Variants in TAFA1 observed in about 807,000 individuals in gnomAD.
TAFA1 encodes chemokine-like protein TAFA-1.
TAFA1 carries 4 observed loss-of-function variants against 18.5 expected under a neutral mutation model. The ratio of observed to expected loss-of-function variants is 0.22; its 90% CI spans 0.11 to 0.49. TAFA1 has a LOEUF of 0.49. Among genes scored for constraint, TAFA1 ranks in the 20% least tolerant of loss-of-function variants. The pLI is 0.98. For missense variants in TAFA1, 147 were observed against 169.0 expected (o/e 0.87, Z 0.72); for synonymous variants, 56 against 55.2 (o/e 1.01, Z -0.06).
chr3:68,400,940 A>C (rs1375494161), intron 2 of TAFA1, among the ~76,000 whole-genome samples: 1 of 152,144 alleles, frequency 6.6e-6, no homozygotes, highest in Non-Finnish European at 1.5e-5. Flanking sequence ...ATATTTTTGA[A>C]TGTGTGGGCA....
At chr3:68,426,921 A>G (rs1020277393) in intron 3 of TAFA1, among the ~76,000 whole-genome samples, 1 of 151,906 alleles carries the variant, frequency 6.6e-6, no homozygotes, top group African/African-American at 2.4e-5. Context: ...TGTGAAAACT[A>G]TACATAAAAT....
At chr3:68,516,421 G>A (rs2072921703) in intron 3 of TAFA1, among the ~76,000 whole-genome samples, 1 of 152,118 alleles carries the variant, frequency 6.6e-6, no homozygotes. Context: ...GTTAGCCTTG[G>A]TTTGTACATT....
In TAFA1 at chr3:68,042,476, C is replaced by T. The variant is rs558718688; in HGVS notation, c.118+35732C>T. Among the ~76,000 whole-genome samples the T allele has an allele frequency of 7.9e-5, 12 of 152,148 alleles. No individual in the cohort carries two copies. In the East Asian group the frequency reaches 2.3e-3, roughly 30 times the overall value. On this transcript the variant is annotated intron_variant, in intron 2 of 4. Coordinates refer to ENST00000478136, the MANE Select transcript of TAFA1 (RefSeq NM_213609.4). ...ACCAGCTTGACCAACATGGTGTAGC[C>T]CTGTCTCTACTAAATTAAAAAAATT...
At chr3:68,373,578 C>A (rs2069753936) in intron 2 of TAFA1, among the ~76,000 whole-genome samples, 1 of 152,180 alleles carries the variant, frequency 6.6e-6, no homozygotes, top group Admixed American at 6.5e-5. Flanking sequence ...CCTCTTTCTG[C>A]TTTGTTTTCC....
intron 2 of TAFA1, among the ~76,000 whole-genome samples, chr3:68,163,835 G>A (rs905044505): frequency 6.6e-6 from 1 of 152,204 alleles, no homozygotes; most frequent in Non-Finnish European, 1.5e-5. Context: ...GAGCATGTAA[G>A]TAGACCGTGT....
At chr3:68,195,371 G>T (rs1006816765) in intron 2 of TAFA1, among the ~76,000 whole-genome samples, 2 of 146,230 alleles carry the variant, frequency 1.4e-5, no homozygotes, top group Non-Finnish European at 3.0e-5. Flanking sequence ...TGGCATCCTA[G>T]ATTAACAGTT....
At chr3:68,473,899 TC>T (rs2072044718) in intron 3 of TAFA1, among the ~76,000 whole-genome samples, 1 of 152,072 alleles carries the variant, frequency 6.6e-6, no homozygotes, top group Admixed American at 6.6e-5. Context: ...CTACACTATA[TC>T]CCCAGGGCCT....
chr3:68,516,405 A>T (rs1416190786), intron 3 of TAFA1, among the ~76,000 whole-genome samples: 2 of 152,220 alleles, frequency 1.3e-5, no homozygotes, highest in Admixed American at 6.5e-5. Flanking sequence ...CTGTCCTTCA[A>T]GAAATGTTAG....
At chr3:68,413,567 A>G (rs2070757089) in intron 2 of TAFA1, among the ~76,000 whole-genome samples, 1 of 152,212 alleles carries the variant, frequency 6.6e-6, no homozygotes, top group East Asian at 1.9e-4. Context: ...TACTTTGAAA[A>G]TTAAATGAAA....
At chr3:68,300,422 C>T (rs1040179476) in intron 2 of TAFA1, among the ~76,000 whole-genome samples, 6 of 152,186 alleles carry the variant, frequency 3.9e-5, no homozygotes, top group African/African-American at 1.4e-4. Flanking sequence ...TACCCAATGC[C>T]GCTACCCCCA....
chr3:68,133,556 G>A (rs922417743), intron 2 of TAFA1, among the ~76,000 whole-genome samples: 4 of 152,100 alleles, frequency 2.6e-5, no homozygotes, highest in Non-Finnish European at 5.9e-5. Flanking sequence ...GCAGTGGTTT[G>A]TAGTTCTCCT....
intron 2 of TAFA1, among the ~76,000 whole-genome samples, chr3:68,098,562 A>T (rs1248501250): frequency 1.3e-5 from 2 of 152,132 alleles, no homozygotes; most frequent in African/African-American, 4.8e-5. Context: ...GTGCCAGTCA[A>T]ATGATGAGAT....
chr3:68,065,955 A>T (rs1266146159), intron 2 of TAFA1, among the ~76,000 whole-genome samples: 1 of 152,162 alleles, frequency 6.6e-6, no homozygotes, highest in African/African-American at 2.4e-5. Context: ...CAACATGGAT[A>T]AATGTCAAAA....
At chr3:68,013,303 G>A (rs145834889) in intron 2 of TAFA1, among the ~76,000 whole-genome samples, 181 of 152,080 alleles carry the variant, frequency 1.2e-3, no homozygotes, top group African/African-American at 4.0e-3. Flanking sequence ...TTATAATTTC[G>A]AGATTTCTCA....
In TAFA1 at chr3:68,217,782, A is replaced by G. The variant is rs115166945; in HGVS notation, c.119-199498A>G. Among the ~76,000 whole-genome samples the G allele has an allele frequency of 9.7e-3, 1,474 of 151,850 alleles. 25 individuals carry two copies. Among genetic ancestry groups the G allele is most frequent in the African/African-American group, 0.033 (1,348 of 41,292 alleles). On this transcript the variant is annotated intron_variant, in intron 2 of 4. Coordinates refer to ENST00000478136, the MANE Select transcript of TAFA1 (RefSeq NM_213609.4). ...AGATAACGTGTTTTTCAAACCCTTT[A>G]TATGTATTGATTTATTTCATTCTTA...
intron 2 of TAFA1, among the ~76,000 whole-genome samples, chr3:68,111,779 A>AG (rs10667380): frequency 0.65 from 92,255 of 141,896 alleles, 29,014 homozygotes; most frequent in South Asian, 0.76. Flanking sequence ...CACACATGAG[A>AG]AAGAGAGAGA....
intron 2 of TAFA1, among the ~76,000 whole-genome samples, chr3:68,208,860 C>T (rs894162653): frequency 2.0e-5 from 3 of 151,888 alleles, no homozygotes; most frequent in Admixed American, 6.6e-5. Context: ...TGAATAAGCG[C>T]CTCCTCTTGA....
intron 2 of TAFA1, among the ~76,000 whole-genome samples, chr3:68,300,599 G>A (rs1440025495): frequency 6.6e-6 from 1 of 152,088 alleles, no homozygotes; most frequent in African/African-American, 2.4e-5. Context: ...TTTGAAATGT[G>A]AGGACATGAG....
chr3:68,331,104 A>G (rs1015602805), intron 2 of TAFA1, among the ~76,000 whole-genome samples: 1 of 138,694 alleles, frequency 7.2e-6, no homozygotes, highest in Non-Finnish European at 1.6e-5. Context: ...ATATTATTCA[A>G]TCTTAAAAAT....
Sources: gnomAD v4.1 joint callset for allele counts (sites outside exome capture counted in the v4.1 genomes callset) on GRCh38, gnomAD v4.1.1 for gene constraint, MANE v1.5 for transcripts, NCBI Gene and HGNC (gene_info 2026-07-23, HGNC 2026-07-21) for gene names.